PLA2G6: variants seen among roughly 807,000 people sequenced by gnomAD.
The protein encoded by PLA2G6 is phospholipase A2 group VI, also known as 85/88 kDa calcium-independent phospholipase A2.
A neutral mutation model predicts 83.8 loss-of-function variants in PLA2G6; 62 were observed. The ratio of observed to expected loss-of-function variants is 0.74; its 90% CI spans 0.60 to 0.91. The LOEUF (loss-of-function observed/expected upper bound fraction) is 0.91, where lower values mean the gene tolerates loss of function less well. Among genes scored for constraint, PLA2G6 ranks in the 40% least tolerant of loss-of-function variants. The pLI is 0.00. For synonymous variants in PLA2G6, 417 were observed against 449.8 expected (o/e 0.93, Z 0.92); for missense variants, 944 against 1,102.0 (o/e 0.86, Z 2.03).
intron 14 of PLA2G6, chr22:38,113,959 C>T (rs2087034307): frequency 8.4e-6 from 4 of 474,354 alleles, no homozygotes; most frequent in Non-Finnish European, 1.6e-5. Context: ...CAAGTCAAGT[C>T]GTGGCCAGGG....
rs763365476 is a variant in PLA2G6, at chr22:38,116,230, G to C, written c.1743-19C>G. The C allele has an allele frequency of 1.9e-6, 3 of 1,613,708 alleles. No homozygotes were observed. Among genetic ancestry groups the C allele is most frequent in the South Asian group, 2.2e-5 (2 of 91,082 alleles). ...CATCACCCTGGAGAGAAATGAGGCA[G>C]GAGGACGGCTGAGCCACCCGCCCAT... On this transcript the variant is annotated intron_variant, in intron 12 of 16. Transcript: ENST00000332509.
rs1056791181 is a variant in PLA2G6, at chr22:38,128,621, T to G, written c.1187-191A>C. On this transcript the variant is annotated intron_variant, in intron 8 of 16. Coordinates refer to ENST00000332509, the MANE Select transcript of PLA2G6 (RefSeq NM_003560.4). This position sits in a 1 kb window ranked among gnomAD's most constrained non-coding sequence, Gnocchi z 4.4. Reference sequence around the variant, plus strand: ...CCCAGGCTGGTACATCCCAAGCAGCTTCCTAAGGCCAGGGAAGGAGGATAT... The same window carrying G: ...CCCAGGCTGGTACATCCCAAGCAGCGTCCTAAGGCCAGGGAAGGAGGATAT... Among the ~76,000 whole-genome samples the G allele has an allele frequency of 6.6e-6, 1 of 152,136 alleles. No individual in the cohort carries two copies. The highest frequency in any genetic ancestry group is 1.5e-5 in the Non-Finnish European group (1 of 68,014).
rs528927868 is a variant in PLA2G6, at chr22:38,132,387, G to C, written c.1077+444C>G. On this transcript the variant is annotated intron_variant, in intron 7 of 16. Coordinates refer to ENST00000332509, the MANE Select transcript of PLA2G6 (RefSeq NM_003560.4). This position sits in a 1 kb window ranked among gnomAD's most constrained non-coding sequence, Gnocchi z 5.0. ...GAAGGGAAGCAGGATGCTCACTCGG[G>C]CCAGGTACTGCGTGTGTCACTTAGA... is the stretch of plus-strand genomic sequence containing the variant. 3.4e-5 allele frequency: 11 copies of C among 321,460 alleles called. No homozygotes were observed. The highest frequency in any genetic ancestry group is 6.0e-5 in the Non-Finnish European group (10 of 165,880). The allele number at this position is 321,460 out of a possible 1,614,324, so 19.9% of individuals were successfully genotyped here. A position where few individuals can be genotyped will look rare whatever the true frequency, so the allele number is the denominator to read the frequency against.
chr22:38,113,926 G>T, intron 14 of PLA2G6: 1 of 552,678 alleles, frequency 1.8e-6, no homozygotes, highest in Non-Finnish European at 3.5e-6. Flanking sequence ...GAAGGATCCC[G>T]CCCACCCCAT....
At chr22:38,126,978 G>T in intron 9 of PLA2G6, 1 of 1,065,600 alleles carries the variant, frequency 9.4e-7, no homozygotes, top group Non-Finnish European at 1.1e-6. Flanking sequence ...CCTGATCCCA[G>T]GTCTGGAAAT....
At chr22:38,179,341 A>G (rs762620618) in intron 1 of PLA2G6, among the ~76,000 whole-genome samples, 6 of 152,238 alleles carry the variant, frequency 3.9e-5, no homozygotes, top group Non-Finnish European at 7.3e-5. Context: ...ACAGAGAGGC[A>G]TCATAGATAA....
At chr22:38,173,898 T>C (rs2090530038) in intron 1 of PLA2G6, among the ~76,000 whole-genome samples, 1 of 151,334 alleles carries the variant, frequency 6.6e-6, no homozygotes. Flanking sequence ...AAATATAAAA[T>C]AAAATTAGCT....
chr22:38,116,267 T>C (rs1256672761), intron 12 of PLA2G6, 56 bp from the exon 13 acceptor site: 4 of 1,601,878 alleles, frequency 2.5e-6, no homozygotes, highest in Admixed American at 1.7e-5. Context: ...CACCTTTCCC[T>C]TTCCCCACAA....
At chr22:38,129,607 G>T in intron 7 of PLA2G6, 45 bp from the exon 8 acceptor site, 2 of 1,498,144 alleles carry the variant, frequency 1.3e-6, no homozygotes, top group Non-Finnish European at 1.9e-6. Flanking sequence ...TGCCGGGGAA[G>T]TGAAGAACAA....
intron 5 of PLA2G6, chr22:38,139,654 C>T (rs1485992874): frequency 1.6e-5 from 4 of 246,840 alleles, no homozygotes; most frequent in South Asian, 5.1e-5. Context: ...AGGCTGGTCT[C>T]GAACTCCCGA....
intron 14 of PLA2G6, among the ~76,000 whole-genome samples, chr22:38,114,480 C>T (rs1040278462): frequency 7.9e-5 from 12 of 152,330 alleles, no homozygotes; most frequent in African/African-American, 2.6e-4. Flanking sequence ...CCGCTGCGCC[C>T]GGCCGCTGCC....
At chr22:38,126,809 G>A (rs1298892897) in intron 9 of PLA2G6, 3 of 354,052 alleles carry the variant, frequency 8.5e-6, no homozygotes, top group Non-Finnish European at 1.1e-5. Context: ...CATCGGAGCC[G>A]ATGCTGCAAT....
chr22:38,126,152 C>G, intron 10 of PLA2G6: 1 of 631,706 alleles, frequency 1.6e-6, no homozygotes, highest in East Asian at 3.2e-5. Flanking sequence ...GCCTGGCACC[C>G]TGGGCTGGTC....
rs1366844473 is a variant in PLA2G6 at position 38,132,582 on chromosome 22, G to A, written c.1077+249C>T. 3 of 574,662 alleles carry A rather than the reference G, an allele frequency of 5.2e-6. No individual in the cohort carries two copies. The highest frequency in any genetic ancestry group is 3.1e-5 in the Admixed American group (1 of 31,948). The allele number at this position is 574,662 out of a possible 1,614,324, so 35.6% of individuals were successfully genotyped here. ...CATTTTTCCCTCTCGTGCCATGCAA[G>A]TGCCAAATGGGGGCACAGGTGGAAA... On this transcript the variant is annotated intron_variant, in intron 7 of 16. Transcript: ENST00000332509. This position sits in a 1 kb window ranked among gnomAD's most constrained non-coding sequence, Gnocchi z 5.0.
intron 14 of PLA2G6, 134 bp from the exon 15 acceptor site, chr22:38,113,788 A>G (rs770260633): frequency 2.4e-6 from 2 of 822,192 alleles, no homozygotes; most frequent in South Asian, 2.7e-5. Flanking sequence ...TGGTGGCAAG[A>G]GCATGCCTGG....
Position 38,111,985 on chromosome 22 carries a change from T to A in PLA2G6, c.*176A>T. 1 of 696,078 alleles carries A rather than the reference T, an allele frequency of 1.4e-6. No individual in the cohort carries two copies. Among genetic ancestry groups the A allele is most frequent in the Non-Finnish European group, 2.5e-6 (1 of 401,246 alleles). The allele number at this position is 696,078 out of a possible 1,614,324, so 43.1% of individuals were successfully genotyped here. A position where few individuals can be genotyped will look rare whatever the true frequency, so the allele number is the denominator to read the frequency against. ...AGAAAGTGCTGGAAGGCGGGGTTAG[T>A]GGGAGACAGGCCTTCAGGACCAGCC... is the stretch of plus-strand genomic sequence containing the variant. On this transcript the variant is annotated 3_prime_UTR_variant, in exon 17 of 17. Transcript: ENST00000332509.
At chr22:38,139,765 G>A in intron 5 of PLA2G6, 1 of 576,754 alleles carries the variant, frequency 1.7e-6, no homozygotes, top group Non-Finnish European at 3.1e-6. Flanking sequence ...TCCTTGCACA[G>A]CTGAACTTGT....
chr22:38,161,047 A>G (rs2089989655), intron 2 of PLA2G6, among the ~76,000 whole-genome samples: 1 of 152,206 alleles, frequency 6.6e-6, no homozygotes, highest in Non-Finnish European at 1.5e-5. Context: ...AAAAGTTTAA[A>G]GAGAGAAAAC....
chr22:38,152,302 G>T (rs183099676), intron 2 of PLA2G6, among the ~76,000 whole-genome samples: 1 of 152,090 alleles, frequency 6.6e-6, no homozygotes, highest in African/African-American at 2.4e-5. Flanking sequence ...CTGGATTCAA[G>T]AAATTCTCCT....
Sources: allele counts gnomAD v4.1 joint callset (sites outside exome capture counted in the v4.1 genomes callset), GRCh38; gene constraint gnomAD v4.1.1; non-coding constraint Gnocchi (gnomAD v3.1); transcripts MANE v1.5; gene names NCBI Gene and HGNC (gene_info 2026-07-23, HGNC 2026-07-21).